EPS15L1: variants seen among roughly 807,000 people sequenced by gnomAD.
EPS15L1 encodes epidermal growth factor receptor substrate 15-like 1.
A neutral mutation model predicts 117.1 loss-of-function variants in EPS15L1; 43 were observed. That is an observed-to-expected ratio of 0.37 (90% CI 0.29 to 0.47). EPS15L1 has a LOEUF of 0.47. Among genes scored for constraint, EPS15L1 ranks in the 20% least tolerant of loss-of-function variants. EPS15L1 has a pLI of 0.99. For synonymous variants in EPS15L1, 459 were observed against 470.5 expected (o/e 0.98, Z 0.32); for missense variants, 981 against 1,164.0 (o/e 0.84, Z 2.29).
Position 16,361,780 on chromosome 19 carries a change from G to C in EPS15L1, c.2585C>G (p.Ser862Cys), listed in dbSNP as rs558990333. The C allele has an allele frequency of 6.2e-7, 1 of 1,612,790 alleles. No homozygotes were observed. Among genetic ancestry groups the C allele is most frequent in the Non-Finnish European group, 8.5e-7 (1 of 1,179,524 alleles). ...CCGGAGGCGGAGGACTCAACTTACA[G>C]AGGTGAAGTCTGCAAAGCCCGAGGC... is the stretch of plus-strand genomic sequence containing the variant. Reference protein sequence around the residue: ...ASASGFADFTSFGNEEQQLAW... With the variant: ...ASASGFADFTCFGNEEQQLAW... Residue 862 changes from serine (S) to cysteine (C), a missense_variant and splice_region_variant, in exon 23 of 24, where the codon TCT (serine) becomes TGT (cysteine). Physicochemically the swap from Ser to Cys is moderately radical, Grantham distance 112. Around this residue, in one of 5 missense-constraint regions of EPS15L1, gnomAD observed 819 missense variants for 949.0 expected, o/e 0.86. Transcript: ENST00000455140.
chr19:16,403,588 G>A (rs1316520580), intron 15 of EPS15L1, 145 bp downstream of exon 15: 10 of 753,624 alleles, frequency 1.3e-5, no homozygotes, highest in Non-Finnish European at 1.5e-5. Flanking sequence ...TTGGCCCTGC[G>A]CCTCCAGGCC....
intron 2 of EPS15L1, 92 bp from the exon 3 acceptor site, chr19:16,442,073 G>A: frequency 6.8e-7 from 1 of 1,475,470 alleles, no homozygotes; most frequent in Admixed American, 1.7e-5. Flanking sequence ...CGCTGACAGT[G>A]AACAGAAAAG....
chr19:16,443,704 C>G (rs2093054294), intron 1 of EPS15L1: 1 of 151,506 alleles, frequency 6.6e-6, no homozygotes, highest in African/African-American at 2.4e-5. Context: ...GAGTGAAACT[C>G]TGTCTCAAAA....
intron 13 of EPS15L1, chr19:16,412,970 G>A: frequency 1.5e-6 from 1 of 671,218 alleles, no homozygotes; most frequent in Non-Finnish European, 2.8e-6. Context: ...AGGAATCTGA[G>A]ATCATTGACT....
chr19:16,456,838 G>T (rs1415375618), intron 1 of EPS15L1, among the ~76,000 whole-genome samples: 1 of 152,090 alleles, frequency 6.6e-6, no homozygotes, highest in African/African-American at 2.4e-5. Flanking sequence ...GAGAAGACAG[G>T]TGAGCTGTGG....
chr19:16,439,765 G>C (rs1188266869), intron 4 of EPS15L1, among the ~76,000 whole-genome samples: 1 of 152,050 alleles, frequency 6.6e-6, no homozygotes, highest in Admixed American at 6.6e-5. Context: ...TACAAGTGAA[G>C]GGGGCTTCCT....
chr19:16,446,969 TG>T (rs2093089357), intron 1 of EPS15L1, among the ~76,000 whole-genome samples: 1 of 152,226 alleles, frequency 6.6e-6, no homozygotes, highest in Non-Finnish European at 1.5e-5. Flanking sequence ...CATCTCAGTC[TG>T]AGTTCCTACT....
chr19:16,417,819 CCT>C, intron 11 of EPS15L1, 127 bp downstream of exon 11: 1 of 1,373,968 alleles, frequency 7.3e-7, no homozygotes, highest in Non-Finnish European at 1.0e-6. Context: ...CCCGGGGGCC[CCT>C]GTTGAGGAAG....
intron 1 of EPS15L1, among the ~76,000 whole-genome samples, chr19:16,463,164 C>T (rs1466968667): frequency 6.6e-6 from 1 of 152,176 alleles, no homozygotes; most frequent in Admixed American, 6.5e-5. Context: ...TGGGGTCTCA[C>T]GTGGCTTGGA....
In EPS15L1 at chr19:16,471,742, G is replaced by A. The variant is rs1257025548; in HGVS notation, c.33+171C>T. Among the ~76,000 whole-genome samples the A allele has an allele frequency of 3.3e-5, 5 of 151,752 alleles. No homozygotes were observed. Among genetic ancestry groups the A allele is most frequent in the Non-Finnish European group, 7.4e-5 (5 of 67,772 alleles). ...GGTCGCTCGGGCACGGGAGGCCGCGGGTCCCGGCCTGTCACCTTCAGGGCC... is the reference window on the plus strand; with the variant it reads ...GGTCGCTCGGGCACGGGAGGCCGCGAGTCCCGGCCTGTCACCTTCAGGGCC... On this transcript the variant is annotated intron_variant, in intron 1 of 23. Transcript: ENST00000455140. The surrounding 1 kb of genome is among the most constrained non-coding windows in gnomAD (Gnocchi z 4.8).
At chr19:16,414,549 T>C (rs1200277659) in intron 12 of EPS15L1, among the ~76,000 whole-genome samples, 1 of 151,784 alleles carries the variant, frequency 6.6e-6, no homozygotes, top group African/African-American at 2.4e-5. Context: ...TACAGGCACG[T>C]GCCACCACGC....
At chr19:16,397,824 A>T (rs2092556046) in intron 16 of EPS15L1, among the ~76,000 whole-genome samples, 1 of 152,180 alleles carries the variant, frequency 6.6e-6, no homozygotes, top group African/African-American at 2.4e-5. Context: ...CATGGGAACA[A>T]TACAGTTGGT....
rs1398204493 is a variant in EPS15L1, at chr19:16,421,518, T to C, written c.793-42A>G. ...CAAAACAGTTAATCTGGAAGCTTTT[T>C]ATGACCCCCAGACACATGCTTTTTG... On this transcript the variant is annotated intron_variant, in intron 9 of 23. Transcript: ENST00000455140. 3 of 1,589,452 alleles carry C rather than the reference T, an allele frequency of 1.9e-6. No individual in the cohort carries two copies. In the South Asian group the frequency reaches 3.3e-5, roughly 18 times the overall value.
chr19:16,397,952 C>T (rs1038983185), intron 16 of EPS15L1, among the ~76,000 whole-genome samples: 15 of 152,304 alleles, frequency 9.8e-5, no homozygotes, highest in African/African-American at 3.6e-4. Flanking sequence ...GACACACTGG[C>T]ATTCCTGCGT....
chr19:16,399,774 A>G (rs1248862744), intron 16 of EPS15L1, among the ~76,000 whole-genome samples: 1 of 150,722 alleles, frequency 6.6e-6, no homozygotes, highest in Non-Finnish European at 1.5e-5. Flanking sequence ...CTCCCACCTC[A>G]GCCTCCCAAA....
chr19:16,390,426 C>CCT (rs936255928), intron 19 of EPS15L1, among the ~76,000 whole-genome samples: 2 of 152,020 alleles, frequency 1.3e-5, no homozygotes, highest in African/African-American at 4.8e-5. Flanking sequence ...ATGTTTAACG[C>CCT]CTCTCTCTCA....
At chr19:16,449,770 GT>G (rs2093121878) in intron 1 of EPS15L1, among the ~76,000 whole-genome samples, 1 of 152,120 alleles carries the variant, frequency 6.6e-6, no homozygotes. Flanking sequence ...TAAGTGAGTG[GT>G]TCAGCAAACT....
chr19:16,462,400 C>T (rs1013166503), intron 1 of EPS15L1, among the ~76,000 whole-genome samples: 2 of 152,136 alleles, frequency 1.3e-5, no homozygotes, highest in African/African-American at 2.4e-5. Context: ...GTGGCTCACA[C>T]CTGTAATCCC....
intron 19 of EPS15L1, among the ~76,000 whole-genome samples, chr19:16,389,949 A>T (rs1027543969): frequency 2.0e-5 from 3 of 152,222 alleles, no homozygotes; most frequent in African/African-American, 7.2e-5. Context: ...CATTCAAACA[A>T]TTCAAAAGAA....
Sources: gnomAD v4.1 joint callset for allele counts (sites outside exome capture counted in the v4.1 genomes callset) on GRCh38, gnomAD v4.1.1 for gene constraint, gnomAD v4.1.1 regional missense constraint, Gnocchi (gnomAD v3.1) non-coding constraint, MANE v1.5 for transcripts, NCBI Gene and HGNC (gene_info 2026-07-23, HGNC 2026-07-21) for gene names.